IQSEC2: variants seen among roughly 807,000 people sequenced by gnomAD.
The protein encoded by IQSEC2 is IQ motif and Sec7 domain ArfGEF 2, also known as IQ motif and SEC7 domain-containing protein 2.
A neutral mutation model predicts 74.6 loss-of-function variants in IQSEC2; 6 were observed. That is an observed-to-expected ratio of 0.08 (90% CI 0.04 to 0.16). The LOEUF (loss-of-function observed/expected upper bound fraction) is 0.16, where lower values mean the gene tolerates loss of function less well. Among genes scored for constraint, IQSEC2 ranks in the 10% least tolerant of loss-of-function variants. The probability of loss-of-function intolerance (pLI) is 1.00; values close to 1 mark genes in which losing one functional copy is unlikely to be tolerated. For missense variants in IQSEC2, 734 were observed against 1,306.2 expected (o/e 0.56, Z 6.75); for synonymous variants, 494 against 544.5 (o/e 0.91, Z 1.29).
intron 2 of IQSEC2, among the ~76,000 whole-genome samples, chrX:53,289,175 A>ACGCATGCATGCG (rs2075067490): frequency 2.7e-5 from 3 of 110,510 alleles, no homozygotes; most frequent in South Asian, 7.7e-4. Context: ...CCCTCCACAC[A>ACGCATGCATGCG]CACATGAAGT....
Position 53,243,388 on chromosome X carries a change from C to T in IQSEC2, c.2833G>A (p.Asp945Asn), listed in dbSNP as rs781977015. 1 of 1,167,951 alleles carries T rather than the reference C, an allele frequency of 8.6e-7. No homozygotes were observed. Among genetic ancestry groups the T allele is most frequent in the South Asian group, 1.9e-5 (1 of 52,656 alleles). ...GCCTGCACCTGGGACACATGGTCAT[C>T]GTTGGTCCGCAGTTCACGCCCCTGG... is the stretch of plus-strand genomic sequence containing the variant. ...RIQGRELRTN[D>N]DHVSQVQAVE... is the part of the protein sequence containing the mutation. Residue 945 changes from aspartate to asparagine, a missense_variant, in exon 9 of 15, where the codon GAT becomes AAT. Transcript: ENST00000642864.
chrX:53,239,480 G>A (rs1271799450), intron 10 of IQSEC2, 186 bp from the exon 11 acceptor site: 6 of 412,245 alleles, frequency 1.5e-5, no homozygotes, highest in African/African-American at 7.7e-5. Context: ...GGAAGAAAAC[G>A]CAAGTTCCTG....
At chrX:53,296,285 T>C (rs1384101284) in intron 1 of IQSEC2, among the ~76,000 whole-genome samples, 3 of 111,533 alleles carry the variant, frequency 2.7e-5, no homozygotes, top group African/African-American at 9.8e-5. Flanking sequence ...TCCACCTGCC[T>C]CAGCCTCCCA....
intron 6 of IQSEC2, 152 bp from the exon 7 acceptor site, chrX:53,248,388 T>C (rs1391318656): frequency 2.0e-5 from 15 of 741,786 alleles, no homozygotes; most frequent in Middle Eastern, 4.5e-4. Context: ...GGACAGAATG[T>C]TTGAAATCAA....
rs1556861319 is a variant in IQSEC2 at position 53,243,354 on chromosome X, C to T, written c.2867G>A (p.Arg956His). 5 of 1,166,918 alleles carry T rather than the reference C, an allele frequency of 4.3e-6. No individual in the cohort carries two copies. The Admixed American group carries it at 7.8e-5, about 18-fold the overall frequency. The change falls in exon 9 of 15, where the codon CGC becomes CAC. Residue 956 changes from arginine (R) to histidine (H), a missense_variant. Physicochemically the swap from Arg to His is conservative, Grantham distance 29 (BLOSUM62 0). Coordinates refer to ENST00000642864, the MANE Select transcript of IQSEC2 (RefSeq NM_001111125.3). Reference protein sequence around the residue: ...DHVSQVQAVERMIVGKKPVLS... With the variant: ...DHVSQVQAVEHMIVGKKPVLS... ...TACTGGTTTCTTTCCAACAATCATG[C>T]GCTCCACAGCCTGCACCTGGGACAC...
chrX:53,321,089 C>G lies in IQSEC2; in HGVS notation c.35G>C (p.Gly12Ala), dbSNP rs1556880334. The change falls in exon 1 of 15, where the codon GGA becomes GCA. Residue 12 changes from glycine (G) to alanine (A), a missense_variant. Transcript: ENST00000642864. ...CACGGCCCGATTTGGGCTCTCGGAT[C>G]CCGGGCCGCCCGGGGGCCCCGACCC... ...EAGSGPPGGPGSESPNRAVEY... is the reference protein window; with the variant it reads ...EAGSGPPGGPASESPNRAVEY... 1 of 1,151,641 alleles carries G rather than the reference C, an allele frequency of 8.7e-7. No homozygotes were observed. Among genetic ancestry groups the G allele is most frequent in the Non-Finnish European group, 1.1e-6 (1 of 869,817 alleles). 94.9% of individuals were successfully genotyped at this position (1,151,641 alleles called of 1,213,427 possible). A position where few individuals can be genotyped will look rare whatever the true frequency, so the allele number is the denominator to read the frequency against.
chrX:53,315,868 G>A (rs1359810789), intron 1 of IQSEC2, among the ~76,000 whole-genome samples: 2 of 111,649 alleles, frequency 1.8e-5, no homozygotes, highest in African/African-American at 6.5e-5. Flanking sequence ...GACAGATGAG[G>A]AAAGGGCAGG....
intron 2 of IQSEC2, among the ~76,000 whole-genome samples, chrX:53,268,625 C>T (rs2074695104): frequency 9.0e-6 from 1 of 111,681 alleles, no homozygotes; most frequent in African/African-American, 3.3e-5. Flanking sequence ...TTCTCCCTCC[C>T]TTCTTGAACC....
chrX:53,279,344 G>A, intron 2 of IQSEC2: 2 of 404,631 alleles, frequency 4.9e-6, no homozygotes, highest in Admixed American at 4.1e-5. Flanking sequence ...TTTTGGGGCA[G>A]GTCTCTAGGG....
At chrX:53,270,111 C>T (rs1438546752) in intron 2 of IQSEC2, among the ~76,000 whole-genome samples, 1 of 110,853 alleles carries the variant, frequency 9.0e-6, no homozygotes, top group Admixed American at 9.6e-5. Context: ...CAGGATGGCC[C>T]TTTGGGCCTT....
At chrX:53,288,966 A>C (rs1602346427) in intron 2 of IQSEC2, among the ~76,000 whole-genome samples, 1 of 98,912 alleles carries the variant, frequency 1.0e-5, no homozygotes, top group Non-Finnish European at 2.0e-5. Context: ...CCTACCCCCC[A>C]CCCCCATCAC....
intron 2 of IQSEC2, among the ~76,000 whole-genome samples, chrX:53,273,296 G>T (rs1387483863): frequency 3.6e-5 from 4 of 110,401 alleles, no homozygotes; most frequent in African/African-American, 9.9e-5. Context: ...GCAGCCTTCT[G>T]GGCCTACTTC....
At chrX:53,241,943 G>A (rs782658233) in intron 9 of IQSEC2, 34 bp from the exon 10 acceptor site, 3 of 1,197,440 alleles carry the variant, frequency 2.5e-6, no homozygotes, top group Non-Finnish European at 3.4e-6. Context: ...TGTCAGCAAG[G>A]CCAGCCCATC....
chrX:53,232,677 T>C, downstream of IQSEC2, among the ~76,000 whole-genome samples: 1 of 111,526 alleles, frequency 9.0e-6, no homozygotes, highest in East Asian at 2.8e-4. Flanking sequence ...GCCCATACTC[T>C]TGCCACTCTG....
At chrX:53,305,132 T>C (rs1449370257) in intron 1 of IQSEC2, among the ~76,000 whole-genome samples, 2 of 110,285 alleles carry the variant, frequency 1.8e-5, no homozygotes, top group African/African-American at 6.6e-5. Context: ...TTGGCCAGGC[T>C]GGTCTCGAAC....
At chrX:53,243,302 G>A in intron 9 of IQSEC2, 30 bp downstream of exon 9, 1 of 1,137,938 alleles carries the variant, frequency 8.8e-7, no homozygotes, top group Non-Finnish European at 1.2e-6. Flanking sequence ...CCTGAACCCT[G>A]GCCCCTCTGC....
chrX:53,303,799 T>TA lies in IQSEC2; in HGVS notation c.708-11876dup, dbSNP rs782516827. 3.8e-3 allele frequency among the ~76,000 whole-genome samples: 358 copies of TA among 94,606 alleles called. 5 individuals carry two copies. The highest frequency in any genetic ancestry group is 0.011 in the Middle Eastern group (2 of 189). The allele number at this position is 94,606 out of a possible 115,157, so 82.2% of individuals were successfully genotyped here. On this transcript the variant is annotated intron_variant, in intron 1 of 14. Coordinates refer to ENST00000642864, the MANE Select transcript of IQSEC2 (RefSeq NM_001111125.3). Reference sequence around the variant, plus strand: ...CTGGGTGAAAGAGCGAAACTCCATCTAAAAAAAAAAAAAAGTGAAAGTGAA... The same window carrying TA: ...CTGGGTGAAAGAGCGAAACTCCATCTAAAAAAAAAAAAAAAGTGAAAGTGAA...
chrX:53,317,675 G>A (rs1457264629), intron 1 of IQSEC2, among the ~76,000 whole-genome samples: 3 of 112,001 alleles, frequency 2.7e-5, no homozygotes, highest in African/African-American at 9.7e-5. Context: ...GGAGCCTGGG[G>A]ACCAAGAGAG....
At position 53,310,426 on chromosome X, in the gene IQSEC2, A is replaced by G. The variant is rs372785252; in HGVS notation, c.707+9991T>C. Among the ~76,000 whole-genome samples the G allele has an allele frequency of 7.2e-5, 8 of 111,526 alleles. 1 individual carries two copies. Among genetic ancestry groups the G allele is most frequent in the African/African-American group, 2.6e-4 (8 of 30,732 alleles). ...AAACAAACAAACAAAAAACTTGAGA[A>G]ATAGGCATAATAGGCATTGTTATCC... On this transcript the variant is annotated intron_variant, in intron 1 of 14. Transcript: ENST00000642864.
Sources: gnomAD v4.1 joint callset for allele counts (sites outside exome capture counted in the v4.1 genomes callset) on GRCh38, gnomAD v4.1.1 for gene constraint, MANE v1.5 for transcripts, NCBI Gene and HGNC (gene_info 2026-07-23, HGNC 2026-07-21) for gene names.